Variants in COA7 observed in about 807,000 individuals in gnomAD.
COA7 encodes the protein cytochrome c oxidase assembly factor 7.
A neutral mutation model predicts 21.0 loss-of-function variants in COA7; 12 were observed. The ratio of observed to expected loss-of-function variants is 0.57; its 90% CI spans 0.37 to 0.92. The LOEUF (loss-of-function observed/expected upper bound fraction) is 0.92. COA7 is among the 40% of genes least tolerant of loss of function. The pLI, the probability that COA7 is intolerant of heterozygous loss-of-function variation, is 0.01. For missense variants in COA7, 240 were observed against 286.1 expected (o/e 0.84, Z 1.16); for synonymous variants, 95 against 107.4 (o/e 0.88, Z 0.72).
intron 1 of COA7, among the ~76,000 whole-genome samples, chr1:52,697,019 G>A (rs1644088621): frequency 6.6e-6 from 1 of 152,072 alleles, no homozygotes; most frequent in Admixed American, 6.5e-5. Context: ...TGAGGCAGGA[G>A]AATTGCTTTA....
intron 2 of COA7, among the ~76,000 whole-genome samples, chr1:52,691,621 G>A (rs1003976082): frequency 1.3e-5 from 2 of 151,804 alleles, no homozygotes; most frequent in Non-Finnish European, 1.5e-5. Flanking sequence ...ACAGGTGCGC[G>A]CCACCACGCC....
In COA7 at chr1:52,692,018, C is replaced by T. The variant is rs770445292; in HGVS notation, c.247+709G>A. Among the ~76,000 whole-genome samples the T allele has an allele frequency of 1.1e-4, 16 of 152,272 alleles. No homozygotes were observed. The South Asian group carries it at 1.9e-3, about 18-fold the overall frequency. On this transcript the variant is annotated intron_variant, in intron 2 of 2. Coordinates refer to ENST00000371538, the MANE Select transcript of COA7 (RefSeq NM_023077.3). ...GAGGACACTCAAGCAGCCCATGGAG[C>T]GAACCATGTCATGACGATCTGAGCT...
rs988153284 is a variant in COA7 at position 52,698,282 on chromosome 1, G to T, written c.45C>A (p.Ser15=). The change falls in exon 1 of 3, where the codon TCC becomes TCA. Residue 15 remains serine, a synonymous_variant. Transcript: ENST00000371538. ...ACTCCACCTCCATGTTCTCCAAAAA[G>T]GACTTGACCTGCTCCTCATCCTGGA... ...VDFQDEEQVK[S]FLENMEVECN... is the part of the protein sequence containing the mutation. The T allele has an allele frequency of 2.5e-6, 4 of 1,612,946 alleles. No individual in the cohort carries two copies. Among genetic ancestry groups the T allele is most frequent in the Non-Finnish European group, 3.4e-6 (4 of 1,179,862 alleles).
chr1:52,687,552 G>A lies in COA7; in HGVS notation c.*168C>T. On this transcript the variant is annotated 3_prime_UTR_variant, in exon 3 of 3. Coordinates refer to ENST00000371538, the MANE Select transcript of COA7 (RefSeq NM_023077.3). Reference sequence around the variant, plus strand: ...AATATTGACTGAAATAAACATTGTAGGCTATACTCCAGTAGCTGGGGCAAT... The same window carrying A: ...AATATTGACTGAAATAAACATTGTAAGCTATACTCCAGTAGCTGGGGCAAT... 1.6e-6 allele frequency: 1 copy of A among 630,262 alleles called. No homozygotes were observed. The highest frequency in any genetic ancestry group is 2.8e-6 in the Non-Finnish European group (1 of 351,684). 39.0% of individuals were successfully genotyped at this position (630,262 alleles called of 1,614,324 possible).
chr1:52,696,861 G>A (rs989252617), intron 1 of COA7, among the ~76,000 whole-genome samples: 2 of 151,184 alleles, frequency 1.3e-5, no homozygotes, highest in African/African-American at 4.9e-5. Flanking sequence ...TGTAATCCCA[G>A]CACTTTGGGA....
intron 2 of COA7, 36 bp downstream of exon 2, chr1:52,692,691 T>A (rs1379574503): frequency 2.5e-6 from 4 of 1,612,972 alleles, no homozygotes; most frequent in Non-Finnish European, 3.4e-6. Flanking sequence ...AGCACTGCTA[T>A]CAATGACAAG....
At chr1:52,694,180 T>C (rs1000054882) in intron 1 of COA7, among the ~76,000 whole-genome samples, 2 of 152,004 alleles carry the variant, frequency 1.3e-5, no homozygotes, top group African/African-American at 2.4e-5. Flanking sequence ...TGGGTGATGG[T>C]TGGTTACATT....
chr1:52,684,845 C>T lies in COA7; in HGVS notation c.*2875G>A, dbSNP rs1233632318. The T allele has an allele frequency of 6.7e-6, 1 of 148,496 alleles. No homozygotes were observed. Among genetic ancestry groups the T allele is most frequent in the African/African-American group, 2.5e-5 (1 of 40,568 alleles). 9.2% of individuals were successfully genotyped at this position (148,496 alleles called of 1,614,324 possible). ...TAGTTTTGCCTTTTCCAGAATACATCCCAGTGTCATATAGTTGGCATCATT... is the reference window on the plus strand; with the variant it reads ...TAGTTTTGCCTTTTCCAGAATACATTCCAGTGTCATATAGTTGGCATCATT... On this transcript the variant is annotated 3_prime_UTR_variant, in exon 3 of 3. Transcript: ENST00000371538.
chr1:52,698,024 T>C, intron 1 of COA7, 197 bp downstream of exon 1: 1 of 575,244 alleles, frequency 1.7e-6, no homozygotes, highest in Non-Finnish European at 3.1e-6. Flanking sequence ...GCACGTCTCT[T>C]CCTACCCGCC....
intron 1 of COA7, among the ~76,000 whole-genome samples, chr1:52,697,402 GC>G (rs774023883): frequency 3.9e-5 from 6 of 152,024 alleles, no homozygotes; most frequent in Non-Finnish European, 5.9e-5. Context: ...GGGCGTCTTC[GC>G]CAGCTGTTAC....
At chr1:52,696,261 C>G (rs1209254272) in intron 1 of COA7, among the ~76,000 whole-genome samples, 2 of 152,162 alleles carry the variant, frequency 1.3e-5, no homozygotes, top group African/African-American at 4.8e-5. Flanking sequence ...GCAACCTCCG[C>G]CTCCCAGGTT....
intron 1 of COA7, among the ~76,000 whole-genome samples, chr1:52,693,286 A>G (rs1042746616): frequency 5.9e-5 from 9 of 152,184 alleles, no homozygotes; most frequent in Admixed American, 5.9e-4. Flanking sequence ...GCAGCAAGAA[A>G]AGGGTGCTGG....
intron 2 of COA7, among the ~76,000 whole-genome samples, chr1:52,690,809 G>A (rs1644040037): frequency 6.6e-6 from 1 of 151,894 alleles, no homozygotes; most frequent in African/African-American, 2.4e-5. Context: ...CTAAAATTTA[G>A]TTTAAAAAAT....
At chr1:52,693,419 G>A (rs897262883) in intron 1 of COA7, among the ~76,000 whole-genome samples, 1 of 151,486 alleles carries the variant, frequency 6.6e-6, no homozygotes, top group Non-Finnish European at 1.5e-5. Flanking sequence ...TACTAAAAAT[G>A]CAAAAAAATT....
intron 2 of COA7, among the ~76,000 whole-genome samples, chr1:52,690,657 CATTTATTTACATTT>C (rs1469230974): frequency 6.9e-6 from 1 of 145,550 alleles, no homozygotes; most frequent in African/African-American, 2.6e-5. Flanking sequence ...TTTTTATTTT[CATTTATTTACATTT>C]ATTTATTTAT....
rs1416372856 is a variant in COA7, at chr1:52,687,505, G to A, written c.*215C>T. On this transcript the variant is annotated 3_prime_UTR_variant, in exon 3 of 3. Transcript: ENST00000371538. ...AGGAATATTGACTGTAATAAACATT[G>A]TACAGAACACCCAGATAAAGGAATA... The A allele has an allele frequency of 8.4e-6, 5 of 593,636 alleles. No individual in the cohort carries two copies. The Admixed American group carries it at 1.5e-4, about 18-fold the overall frequency. The allele number at this position is 593,636 out of a possible 1,614,324, so 36.8% of individuals were successfully genotyped here.
chr1:52,687,697 C>T lies in COA7; in HGVS notation c.*23G>A, dbSNP rs1644015606. 1 of 1,601,582 alleles carries T rather than the reference C, an allele frequency of 6.2e-7. No individual in the cohort carries two copies. The highest frequency in any genetic ancestry group is 8.5e-7 in the Non-Finnish European group (1 of 1,171,112). ...GCTGCCAGCCTCAAGCAGTTTGTTG[C>T]CTGGGAGGGAGGGTGGACCACATTA... On this transcript the variant is annotated 3_prime_UTR_variant, in exon 3 of 3. Coordinates refer to ENST00000371538, the MANE Select transcript of COA7 (RefSeq NM_023077.3).
rs1644019011 is a variant in COA7 at position 52,688,075 on chromosome 1, A to G, written c.341T>C (p.Val114Ala). ...GKKSIAACHN[V>A]GLLAHDGQVN... ...CTGTCCATCATGTGCCAGGAGGCCA[A>G]CGTTGTGACATGCTGCTATTGACTT... The change falls in exon 3 of 3, where the codon GTT (valine) becomes GCT (alanine). Residue 114 changes from valine (V) to alanine (A), a missense_variant. This residue lies in a region of COA7 where 163 missense variants were observed against 214.1 expected (regional missense o/e 0.76). Coordinates refer to ENST00000371538, the MANE Select transcript of COA7 (RefSeq NM_023077.3). 2.5e-6 allele frequency: 4 copies of G among 1,614,032 alleles called. No individual in the cohort carries two copies. The highest frequency in any genetic ancestry group is 1.1e-5 in the South Asian group (1 of 91,090).
rs564662663 is a variant in COA7 at position 52,686,474 on chromosome 1, G to A, written c.*1246C>T. 1 of 150,978 alleles carries A rather than the reference G, an allele frequency of 6.6e-6. No individual in the cohort carries two copies. The highest frequency in any genetic ancestry group is 1.5e-5 in the Non-Finnish European group (1 of 67,830). The allele number at this position is 150,978 out of a possible 1,614,324, so 9.4% of individuals were successfully genotyped here. ...AATTTTTTTTTTTTTTTGAGACGGAGTCTCACTCTATCGCCCAGGCTGGAG... is the reference window on the plus strand; with the variant it reads ...AATTTTTTTTTTTTTTTGAGACGGAATCTCACTCTATCGCCCAGGCTGGAG... On this transcript the variant is annotated 3_prime_UTR_variant, in exon 3 of 3. Coordinates refer to ENST00000371538, the MANE Select transcript of COA7 (RefSeq NM_023077.3).
Sources: gnomAD v4.1 joint callset for allele counts (sites outside exome capture counted in the v4.1 genomes callset) on GRCh38, gnomAD v4.1.1 for gene constraint, gnomAD v4.1.1 regional missense constraint, MANE v1.5 for transcripts, NCBI Gene and HGNC (gene_info 2026-07-23, HGNC 2026-07-21) for gene names.